The following C1QTNF7 variants were observed in gnomAD, a reference collection of about 807,000 sequenced individuals.
The protein encoded by C1QTNF7 is complement C1q tumor necrosis factor-related protein 7.
C1QTNF7 carries 15 observed loss-of-function variants against 19.6 expected under a neutral mutation model. The observed-to-expected ratio is 0.76, with a 90% CI of 0.51 to 1.18. The LOEUF (loss-of-function observed/expected upper bound fraction) is 1.18, where lower values mean the gene tolerates loss of function less well. Among genes scored for constraint, C1QTNF7 ranks in the 50% most tolerant of loss-of-function variants. C1QTNF7 has a pLI of 0.00. For missense variants in C1QTNF7, 324 were observed against 359.7 expected, an observed-to-expected ratio of 0.90 and a Z score of 0.80; for synonymous variants, 142 against 137.5, an observed-to-expected ratio of 1.03 and a Z score of -0.23.
chr4:15,382,134 A>T (rs545338054), intron 1 of C1QTNF7, among the ~76,000 whole-genome samples: 2 of 152,164 alleles, frequency 1.3e-5, no homozygotes, highest in Non-Finnish European at 2.9e-5. Context: ...CTGTGATGTG[A>T]AATAAAGCCT....
In C1QTNF7 at chr4:15,415,720, T is replaced by C. The variant is rs532675743; in HGVS notation, c.14-20016T>C. Among the ~76,000 whole-genome samples, 384 of 152,000 alleles carry C rather than the reference T, an allele frequency of 2.5e-3. 5 individuals carry two copies. The highest frequency in any genetic ancestry group is 6.1e-3 in the African/African-American group (255 of 41,480). On this transcript the variant is annotated intron_variant, in intron 1 of 2. Coordinates refer to the C1QTNF7 transcript ENST00000295297. Reference sequence around the variant, plus strand: ...GATCCTCCCACTCTGGCCTCCCAAATTGCTGGGAACACAGGCTTGAGCAAC... The same window carrying C: ...GATCCTCCCACTCTGGCCTCCCAAACTGCTGGGAACACAGGCTTGAGCAAC...
At chr4:15,372,448 A>G (rs536800692) in intron 1 of C1QTNF7, among the ~76,000 whole-genome samples, 1 of 152,362 alleles carries the variant, frequency 6.6e-6, no homozygotes, top group African/African-American at 2.4e-5. Context: ...TCAGACTTCC[A>G]GACTCCAGAA....
intron 1 of C1QTNF7, among the ~76,000 whole-genome samples, chr4:15,355,820 C>G (rs1305623195): frequency 6.6e-6 from 1 of 152,082 alleles, no homozygotes; most frequent in Non-Finnish European, 1.5e-5. Context: ...TGCCCAGTTC[C>G]AAGCCCTCTG....
At chr4:15,384,845 G>A (rs1224839240) in intron 1 of C1QTNF7, among the ~76,000 whole-genome samples, 1 of 152,128 alleles carries the variant, frequency 6.6e-6, no homozygotes, top group Non-Finnish European at 1.5e-5. Flanking sequence ...GCAAGTAGTG[G>A]CCTCCGGGGA....
chr4:15,414,150 T>C (rs1719505378), intron 1 of C1QTNF7, among the ~76,000 whole-genome samples: 1 of 152,162 alleles, frequency 6.6e-6, no homozygotes, highest in South Asian at 2.1e-4. Context: ...TAATCATCCT[T>C]GAAGCTCAAA....
In C1QTNF7 at chr4:15,360,238, T is replaced by C. The variant is rs552609852; in HGVS notation, c.13+20031T>C. ...TATGGGTAAACTAACCCATCGATCT[T>C]TTAAAAATACATACAGCTAATTCTC... On this transcript the variant is annotated intron_variant, in intron 1 of 2. Coordinates refer to the C1QTNF7 transcript ENST00000295297. Among the ~76,000 whole-genome samples the C allele has an allele frequency of 1.4e-4, 22 of 152,266 alleles. No homozygotes were observed. The Middle Eastern group carries it at 0.017, about 118-fold the overall frequency.
chr4:15,396,413 C>T (rs1237871690), intron 1 of C1QTNF7, among the ~76,000 whole-genome samples: 2 of 152,194 alleles, frequency 1.3e-5, no homozygotes, highest in East Asian at 1.9e-4. Flanking sequence ...GGAGGTCAGG[C>T]GAAGTAGTAC....
In C1QTNF7 at chr4:15,385,989, C is replaced by T. The variant is rs556621347; in HGVS notation, c.13+45782C>T. 1.4e-4 allele frequency among the ~76,000 whole-genome samples: 21 copies of T among 152,298 alleles called. 1 individual carries two copies. In the South Asian group the frequency reaches 4.1e-3, roughly 30 times the overall value. On this transcript the variant is annotated intron_variant, in intron 1 of 2. Transcript: ENST00000295297. ...CAGTTCTATTTGTAGCATTTTGTTT[C>T]GCCAGCCAGAAAAACTCAAATACCA...
chr4:15,411,822 C>A (rs1450758898), intron 1 of C1QTNF7, among the ~76,000 whole-genome samples: 1 of 152,108 alleles, frequency 6.6e-6, no homozygotes, highest in Non-Finnish European at 1.5e-5. Flanking sequence ...CTTGGATGCT[C>A]TGGGGGAAAA....
intron 1 of C1QTNF7, among the ~76,000 whole-genome samples, chr4:15,344,412 T>C (rs572650194): frequency 1.3e-5 from 2 of 152,314 alleles, no homozygotes; most frequent in Non-Finnish European, 2.9e-5. Flanking sequence ...CTCACACAGC[T>C]GTTAAGGAGT....
chr4:15,339,927 C>A (rs928276782), upstream of C1QTNF7: 3 of 562,664 alleles, frequency 5.3e-6, no homozygotes, highest in Middle Eastern at 4.6e-4. Context: ...TAGAAGTTGG[C>A]AAGTCCCTGG....
intron 2 of C1QTNF7, among the ~76,000 whole-genome samples, chr4:15,437,167 T>C (rs371406044): frequency 6.6e-6 from 1 of 152,122 alleles, no homozygotes; most frequent in Admixed American, 6.5e-5. Flanking sequence ...ATCAGGATTA[T>C]AGTTATATAT....
chr4:15,384,281 T>C (rs1324570449), intron 1 of C1QTNF7, among the ~76,000 whole-genome samples: 1 of 152,234 alleles, frequency 6.6e-6, no homozygotes, highest in Admixed American at 6.5e-5. Flanking sequence ...AGGAAGTATA[T>C]ATTCACTTCT....
intron 1 of C1QTNF7, among the ~76,000 whole-genome samples, chr4:15,397,014 G>A (rs1214128035): frequency 6.6e-6 from 1 of 151,332 alleles, no homozygotes. Flanking sequence ...AAGGCAAGGA[G>A]GAGCAAGTCC....
chr4:15,410,546 A>G (rs994610713), intron 1 of C1QTNF7, among the ~76,000 whole-genome samples: 1 of 152,070 alleles, frequency 6.6e-6, no homozygotes. Context: ...ATATTTAACA[A>G]CTCTACTATT....
intron 1 of C1QTNF7, among the ~76,000 whole-genome samples, chr4:15,351,123 A>G (rs1017750879): frequency 5.9e-5 from 9 of 152,242 alleles, no homozygotes; most frequent in African/African-American, 2.2e-4. Flanking sequence ...TGCTCTAAAA[A>G]TCATAGCTAA....
chr4:15,407,926 AAAAACAAAAC>A (rs776091809), intron 1 of C1QTNF7, among the ~76,000 whole-genome samples: 8 of 152,028 alleles, frequency 5.3e-5, no homozygotes, highest in Non-Finnish European at 8.8e-5. Context: ...ACTCTGTCTC[AAAAACAAAAC>A]AAAACAAAAC....
At position 15,436,176 on chromosome 4, in the gene C1QTNF7, A is replaced by G. The variant is rs138389374; in HGVS notation, c.238+195A>G. ...GTAGCTGCATCCTTATTTCACTGCA[A>G]TGACAACTCTTTCAGCTGAATGTTA... On this transcript the variant is annotated intron_variant, in intron 2 of 2. Transcript: ENST00000444304. Among the ~76,000 whole-genome samples the G allele has an allele frequency of 4.6e-5, 7 of 152,330 alleles. No individual in the cohort carries two copies. The East Asian group carries it at 1.3e-3, about 29-fold the overall frequency.
chr4:15,350,332 A>AGGGAGGGAGGGAAGGAGGGAGGGAGGG (rs1560337658), intron 1 of C1QTNF7, among the ~76,000 whole-genome samples: 1 of 36,258 alleles, frequency 2.8e-5, no homozygotes, highest in Non-Finnish European at 4.6e-5. Flanking sequence ...AGGAGGAAAG[A>AGGGAGGGAGGGAAGGAGGGAGGGAGGG]AAGGAGGGAG....
Sources: gnomAD v4.1 joint callset for allele counts (sites outside exome capture counted in the v4.1 genomes callset) on GRCh38, gnomAD v4.1.1 for gene constraint, MANE v1.5 for transcripts, NCBI Gene and HGNC (gene_info 2026-07-23, HGNC 2026-07-21) for gene names.